The following MRPL32 variants were observed in gnomAD, a reference collection of about 807,000 sequenced individuals.
MRPL32 encodes the protein large ribosomal subunit protein bL32m.
In MRPL32, 14 loss-of-function variants were observed where a neutral mutation model predicts 21.7. That is an observed-to-expected ratio of 0.64 (90% confidence interval 0.43 to 1.01). The LOEUF (loss-of-function observed/expected upper bound fraction) is 1.01, where lower values mean the gene tolerates loss of function less well. MRPL32 is among the 50% of genes least tolerant of loss of function. The pLI is 0.00. For missense variants in MRPL32, 211 were observed against 235.9 expected, an observed-to-expected ratio of 0.89 and a Z score of 0.69; for synonymous variants, 83 against 87.7, an observed-to-expected ratio of 0.95 and a Z score of 0.30.
intron 2 of MRPL32, chr7:42,935,897 C>A (rs188878208): frequency 5.9e-5 from 9 of 152,192 alleles, no homozygotes; most frequent in South Asian, 4.1e-4. Context: ...CTTCATTGAT[C>A]TAGTAAAGAA....
At chr7:42,937,102 A>G in intron 2 of MRPL32, 1 of 1,095,182 alleles carries the variant, frequency 9.1e-7, no homozygotes, top group South Asian at 1.3e-5. Flanking sequence ...TACCAGATTC[A>G]GGTTGGCTGA....
Position 42,932,411 on chromosome 7 carries a change from G to GTGGTT in MRPL32, c.27_31dup (p.Ser11TrpfsTer39). 1.9e-6 allele frequency: 3 copies of GTGGTT among 1,611,878 alleles called. No individual in the cohort carries two copies. Among genetic ancestry groups the GTGGTT allele is most frequent in the Non-Finnish European group, 2.5e-6 (3 of 1,178,604 alleles). On this transcript the variant is annotated frameshift_variant, in exon 1 of 3. Transcript: ENST00000223324. LOFTEE classifies it high-confidence loss of function. Reference sequence around the variant, plus strand: ...AATGGCGCTGGCCATGCTGGTCTTGGTGGTTTCGCCGTGGTCTGCGGCCCG... The same window carrying GTGGTT: ...AATGGCGCTGGCCATGCTGGTCTTGGTGGTTTGGTTTCGCCGTGGTCTGCGGCCCG...
At chr7:42,932,958 A>G (rs1786354744) in intron 1 of MRPL32, among the ~76,000 whole-genome samples, 1 of 152,042 alleles carries the variant, frequency 6.6e-6, no homozygotes, top group Admixed American at 6.6e-5. Context: ...TAGTGAAGTC[A>G]GTGCAAATGT....
chr7:42,933,151 C>T (rs1050223339), intron 1 of MRPL32, among the ~76,000 whole-genome samples: 3 of 152,122 alleles, frequency 2.0e-5, no homozygotes, highest in East Asian at 3.8e-4. Flanking sequence ...ATTATATGCC[C>T]TTTCCAGGAA....
In MRPL32 at chr7:42,932,450, A is replaced by C; in HGVS notation, c.64A>C (p.Asn22His). 6.2e-7 allele frequency: 1 copy of C among 1,612,308 alleles called. No homozygotes were observed. Among genetic ancestry groups the C allele is most frequent in the Non-Finnish European group, 8.5e-7 (1 of 1,178,890 alleles). Residue 22 changes from asparagine (N) to histidine (H), a missense_variant, in exon 1 of 3, where the codon AAC becomes CAC. Asn to His is a moderately conservative substitution (Grantham distance 68). This residue lies in a region of MRPL32 where 81 missense variants were observed against 55.8 expected (regional missense o/e 1.45). Coordinates refer to ENST00000223324, the MANE Select transcript of MRPL32 (RefSeq NM_031903.3). ...PWSAARGVLR[N>H]YWERLLRKLP... Reference sequence around the variant, plus strand: ...GTCTGCGGCCCGGGGAGTGCTTCGAAACTACTGGGAGCGACTGCTACGGAA... The same window carrying C: ...GTCTGCGGCCCGGGGAGTGCTTCGACACTACTGGGAGCGACTGCTACGGAA...
In MRPL32 at chr7:42,934,958, C is replaced by A; in HGVS notation, c.134C>A (p.Pro45Gln). Residue 45 changes from proline to glutamine, a missense_variant, in exon 2 of 3, where the codon CCA becomes CAA. Coordinates refer to ENST00000223324, the MANE Select transcript of MRPL32 (RefSeq NM_031903.3). ...RPGFPSPPWG[P>Q]ALAVQGPAMF... ...TCTCTTATGTTTTATTTCCTAGGAC[C>A]AGCATTAGCAGTACAGGGCCCAGCC... 1 of 1,565,504 alleles carries A rather than the reference C, an allele frequency of 6.4e-7. No individual in the cohort carries two copies. Among genetic ancestry groups the A allele is most frequent in the South Asian group, 1.2e-5 (1 of 83,578 alleles).
At chr7:42,934,874 A>G in intron 1 of MRPL32, 81 bp from the exon 2 acceptor site, 1 of 1,126,176 alleles carries the variant, frequency 8.9e-7, no homozygotes, top group Non-Finnish European at 1.2e-6. Flanking sequence ...TTGACCATTG[A>G]TTGTTAAGGA....
chr7:42,932,701 CAAAA>C (rs148378814), intron 1 of MRPL32, among the ~76,000 whole-genome samples, 185 bp downstream of exon 1: 69 of 134,578 alleles, frequency 5.1e-4, no homozygotes, highest in Admixed American at 5.9e-4. Flanking sequence ...CCCTCCACCG[CAAAA>C]AAAAAAAAAA....
chr7:42,935,259 C>A, intron 2 of MRPL32, 123 bp downstream of exon 2: 1 of 801,536 alleles, frequency 1.2e-6, no homozygotes, highest in South Asian at 1.9e-5. Context: ...TTCCTCTGGC[C>A]TAAATGAAAT....
intron 2 of MRPL32, chr7:42,936,594 C>T (rs1429741615): frequency 2.0e-5 from 3 of 151,220 alleles, no homozygotes; most frequent in South Asian, 2.1e-4. Context: ...TTCTTTCAAA[C>T]CTACATCTAG....
At chr7:42,933,739 T>C (rs1786373872) in intron 1 of MRPL32, among the ~76,000 whole-genome samples, 1 of 152,138 alleles carries the variant, frequency 6.6e-6, no homozygotes, top group Non-Finnish European at 1.5e-5. Context: ...TGCCAAGCAA[T>C]GTGCCAAGCT....
Position 42,937,730 on chromosome 7 carries a change from T to G in MRPL32, c.*154T>G. 2 of 803,226 alleles carry G rather than the reference T, an allele frequency of 2.5e-6. No individual in the cohort carries two copies. Among genetic ancestry groups the G allele is most frequent in the Non-Finnish European group, 3.6e-6 (2 of 556,766 alleles). 49.8% of individuals were successfully genotyped at this position (803,226 alleles called of 1,614,324 possible). On this transcript the variant is annotated 3_prime_UTR_variant, in exon 3 of 3. Transcript: ENST00000223324. ...GTGTGGGATAATTTGAAGAATATAT[T>G]ATGAGTAAACTCCGAAAATTTTGTT...
rs747274285 is a variant in MRPL32, at chr7:42,932,509, T to A, written c.123T>A (p.Pro41=). The part of the protein sequence containing the change: ...LPQSRPGFPS[P]PWGPALAVQG... ...AGAGCCGGCCGGGCTTTCCCAGTCC[T>A]CCGTGGGGTAGGTAAAGAAGGGCTC... The change falls in exon 1 of 3, where the codon CCT becomes CCA. Residue 41 remains proline (P), a synonymous_variant. Transcript: ENST00000223324. 1 of 1,603,908 alleles carries A rather than the reference T, an allele frequency of 6.2e-7. No homozygotes were observed. Among genetic ancestry groups the A allele is most frequent in the South Asian group, 1.1e-5 (1 of 90,702 alleles).
Position 42,935,072 on chromosome 7 carries a change from A to G in MRPL32, c.248A>G (p.Asn83Ser), listed in dbSNP as rs750710927. The G allele has an allele frequency of 2.5e-6, 4 of 1,614,174 alleles. No individual in the cohort carries two copies. The African/African-American group carries it at 4.0e-5, about 16-fold the overall frequency. ...DSIFWMAAPK[N>S]RRTIEVNRCR... is the part of the protein sequence containing the mutation. ...ATCTTTTGGATGGCAGCTCCCAAAA[A>G]TAGACGCACCATTGAAGTTAACCGG... Residue 83 changes from asparagine (N) to serine (S), a missense_variant, in exon 2 of 3, where the codon AAT becomes AGT. By Grantham distance (46) the Asn-to-Ser change is conservative. Coordinates refer to ENST00000223324, the MANE Select transcript of MRPL32 (RefSeq NM_031903.3).
rs1334353731 is a variant in MRPL32 at position 42,932,400 on chromosome 7, T to C, written c.14T>C (p.Met5Thr). 2 of 1,610,070 alleles carry C rather than the reference T, an allele frequency of 1.2e-6. No homozygotes were observed. Among genetic ancestry groups the C allele is most frequent in the Admixed American group, 1.7e-5 (1 of 59,874 alleles). The change falls in exon 1 of 3, where the codon ATG (methionine) becomes ACG (threonine). Residue 5 changes from methionine (M) to threonine (T), a missense_variant. This residue lies in a region of MRPL32 where 81 missense variants were observed against 55.8 expected (regional missense o/e 1.45). Transcript: ENST00000223324. ...CCAGCAGGGAAAATGGCGCTGGCCA[T>C]GCTGGTCTTGGTGGTTTCGCCGTGG... MALA[M>T]LVLVVSPWSA...
At chr7:42,933,262 A>AG (rs1339064408) in intron 1 of MRPL32, among the ~76,000 whole-genome samples, 10 of 152,054 alleles carry the variant, frequency 6.6e-5, no homozygotes, top group South Asian at 6.2e-4. Flanking sequence ...GGCACTTTAA[A>AG]GGGGGGGCCG....
In MRPL32 at chr7:42,935,128, A is replaced by G. The variant is rs750785078; in HGVS notation, c.304A>G (p.Lys102Glu). The G allele has an allele frequency of 6.2e-7, 1 of 1,610,948 alleles. No homozygotes were observed. The highest frequency in any genetic ancestry group is 8.5e-7 in the Non-Finnish European group (1 of 1,178,992). Residue 102 changes from lysine (K) to glutamate (E), a missense_variant, in exon 2 of 3, where the codon AAA (lysine) becomes GAA (glutamate). By Grantham distance (56) the Lys-to-Glu change is moderately conservative. Coordinates refer to ENST00000223324, the MANE Select transcript of MRPL32 (RefSeq NM_031903.3). ...GAGAAGAAATCCGCAGAAGCTTATT[A>G]AAGTTAAGGTAATGCATTGATTTTT... ...CRRRNPQKLI[K>E]VKNNIDVCPE...
chr7:42,932,454 A>C lies in MRPL32; in HGVS notation c.68A>C (p.Tyr23Ser). 1 of 1,612,100 alleles carries C rather than the reference A, an allele frequency of 6.2e-7. No homozygotes were observed. The highest frequency in any genetic ancestry group is 8.5e-7 in the Non-Finnish European group (1 of 1,178,702). The change falls in exon 1 of 3, where the codon TAC becomes TCC. Residue 23 changes from tyrosine (Y) to serine (S), a missense_variant. This residue lies in a region of MRPL32 where 81 missense variants were observed against 55.8 expected (regional missense o/e 1.45). Coordinates refer to ENST00000223324, the MANE Select transcript of MRPL32 (RefSeq NM_031903.3). ...GCGGCCCGGGGAGTGCTTCGAAACT[A>C]CTGGGAGCGACTGCTACGGAAGCTT... ...WSAARGVLRN[Y>S]WERLLRKLPQ... is the part of the protein sequence containing the mutation.
intron 1 of MRPL32, among the ~76,000 whole-genome samples, chr7:42,933,562 T>G (rs1786369038): frequency 6.6e-6 from 1 of 151,298 alleles, no homozygotes; most frequent in Non-Finnish European, 1.5e-5. Flanking sequence ...GTTTGAGCTC[T>G]GAGGAGCTGA....
Sources: allele counts gnomAD v4.1 joint callset (sites outside exome capture counted in the v4.1 genomes callset), GRCh38; gene constraint gnomAD v4.1.1; regional missense constraint gnomAD v4.1.1; transcripts MANE v1.5; gene names NCBI Gene and HGNC (gene_info 2026-07-23, HGNC 2026-07-21).